DNAH11: variants seen among roughly 807,000 people sequenced by gnomAD.
DNAH11 encodes dynein axonemal heavy chain 11, also known as axonemal beta dynein heavy chain 11.
Under a neutral mutation model 526.0 loss-of-function variants are expected in DNAH11, and 442 were observed. The observed-to-expected ratio is 0.84, with a 90% CI of 0.78 to 0.91. The LOEUF (loss-of-function observed/expected upper bound fraction) is 0.91. Ranked by LOEUF, DNAH11 falls within the 40% of genes least tolerant of loss-of-function variation. The pLI is 0.00. For missense variants in DNAH11, 6,989 were observed against 5,448.7 expected (o/e 1.28, Z -8.90); for synonymous variants, 2,461 against 1,935.9 (o/e 1.27, Z -7.12).
At chr7:21,772,078 G>C (rs1341713739) in intron 55 of DNAH11, among the ~76,000 whole-genome samples, 2 of 152,188 alleles carry the variant, frequency 1.3e-5, no homozygotes, top group African/African-American at 4.8e-5. Flanking sequence ...AACGATTAGA[G>C]TTTTCTGAAA....
intron 18 of DNAH11, among the ~76,000 whole-genome samples, chr7:21,602,305 C>T (rs1218203748): frequency 6.6e-6 from 1 of 152,064 alleles, no homozygotes; most frequent in Non-Finnish European, 1.5e-5. Flanking sequence ...CACCACTGCA[C>T]TCTAGCATGG....
chr7:21,606,617 T>TC, intron 19 of DNAH11, 30 bp from the exon 20 acceptor site: 2 of 826,312 alleles, frequency 2.4e-6, no homozygotes, highest in Non-Finnish European at 3.2e-6. Context: ...GAAATTCACT[T>TC]TTTTTTTTTT....
At chr7:21,845,363 T>C (rs1782379738) in intron 66 of DNAH11, among the ~76,000 whole-genome samples, 2 of 152,200 alleles carry the variant, frequency 1.3e-5, no homozygotes, top group Non-Finnish European at 1.5e-5. Context: ...AGCTCTGTTG[T>C]ATATTTTGAG....
At chr7:21,790,082 C>T (rs1407386826) in intron 61 of DNAH11, among the ~76,000 whole-genome samples, 1 of 151,684 alleles carries the variant, frequency 6.6e-6, no homozygotes, top group African/African-American at 2.4e-5. Context: ...TTAGGTAGAA[C>T]TGTGGGGATT....
chr7:21,698,223 C>G lies in DNAH11; in HGVS notation c.6180+10C>G. Reference sequence around the variant, plus strand: ...GCTTCTCTCCAAGCAGGTGAGGGATCATTTGTTACGTTTTCTTGTTTTTAC... The same window carrying G: ...GCTTCTCTCCAAGCAGGTGAGGGATGATTTGTTACGTTTTCTTGTTTTTAC... On this transcript the variant is annotated intron_variant, in intron 36 of 81. Transcript: ENST00000409508. 1 of 1,612,256 alleles carries G rather than the reference C, an allele frequency of 6.2e-7. No homozygotes were observed. The highest frequency in any genetic ancestry group is 1.1e-5 in the South Asian group (1 of 90,538).
At chr7:21,838,076 C>T (rs921831716) in intron 65 of DNAH11, among the ~76,000 whole-genome samples, 1 of 152,180 alleles carries the variant, frequency 6.6e-6, no homozygotes, top group African/African-American at 2.4e-5. Context: ...AAGATTTTCT[C>T]AAAGCTGCTT....
rs112994826 is a variant in DNAH11 at position 21,689,737 on chromosome 7, T to C, written c.5925-1028T>C. On this transcript the variant is annotated intron_variant, in intron 34 of 81. Transcript: ENST00000409508. ...AATTACCTAGTGTCTAAAGCACCCT[T>C]AGTCCTAAACACTGTGGTTTCTTTC... 6.9e-3 allele frequency among the ~76,000 whole-genome samples: 1,052 copies of C among 152,362 alleles called. 8 individuals carry two copies. The highest frequency in any genetic ancestry group is 0.023 in the African/African-American group (974 of 41,574).
chr7:21,693,028 A>G (rs1783695523), intron 35 of DNAH11, among the ~76,000 whole-genome samples: 1 of 152,030 alleles, frequency 6.6e-6, no homozygotes, highest in African/African-American at 2.4e-5. Context: ...CATTGCAAAT[A>G]TTTTTTCTCT....
At position 21,787,421 on chromosome 7, in the gene DNAH11, A is replaced by G; in HGVS notation, c.9762A>G (p.Ala3254=). 1 of 1,607,612 alleles carries G rather than the reference A, an allele frequency of 6.2e-7. No individual in the cohort carries two copies. The highest frequency in any genetic ancestry group is 8.5e-7 in the Non-Finnish European group (1 of 1,177,344). The change falls in exon 60 of 82, where the codon GCA becomes GCG. Residue 3254 remains alanine (A), a synonymous_variant. Coordinates refer to ENST00000409508, the MANE Select transcript of DNAH11 (RefSeq NM_001277115.2). ...TGCAGGTTGATGATTTTTTGCAAGCATTAATTAACTATGACAAAGAGCACA... is the reference window on the plus strand; with the variant it reads ...TGCAGGTTGATGATTTTTTGCAAGCGTTAATTAACTATGACAAAGAGCACA... The part of the protein sequence containing the change: ...FMGKVDDFLQ[A]LINYDKEHIP...
intron 81 of DNAH11, 47 bp downstream of exon 81, chr7:21,900,167 T>G (rs1196084955): frequency 1.3e-6 from 2 of 1,568,650 alleles, no homozygotes; most frequent in Non-Finnish European, 1.7e-6. Context: ...TTACTCAGGT[T>G]CAGATCAGTG....
intron 64 of DNAH11, among the ~76,000 whole-genome samples, 163 bp downstream of exon 64, chr7:21,816,865 G>C (rs546864270): frequency 2.0e-4 from 31 of 152,276 alleles, no homozygotes; most frequent in African/African-American, 7.5e-4. Context: ...AAGTATCTCT[G>C]TTGAAAAGGC....
chr7:21,569,852 G>T (rs537093928), intron 6 of DNAH11, among the ~76,000 whole-genome samples: 1 of 152,290 alleles, frequency 6.6e-6, no homozygotes, highest in Admixed American at 6.5e-5. Flanking sequence ...TAAAAATCCA[G>T]AAATAGTAGG....
chr7:21,590,690 T>C (rs1437098801), intron 12 of DNAH11, among the ~76,000 whole-genome samples: 3 of 152,210 alleles, frequency 2.0e-5, no homozygotes, highest in African/African-American at 4.8e-5. Flanking sequence ...AAAACCAATT[T>C]ATAGAAACTA....
rs1276954714 is a variant in DNAH11 at position 21,869,094 on chromosome 7, G to A, written c.11967+103G>A. On this transcript the variant is annotated intron_variant, in intron 73 of 81. Coordinates refer to ENST00000409508, the MANE Select transcript of DNAH11 (RefSeq NM_001277115.2). ...ATGCTCCCTTAACACCGCTGTGCAT[G>A]GCGATTTGCAGAGTGCAAGCAGTAC... is the stretch of plus-strand genomic sequence containing the variant. The A allele has an allele frequency of 5.9e-6, 9 of 1,519,398 alleles. No individual in the cohort carries two copies. The Admixed American group carries it at 1.7e-4, about 29-fold the overall frequency. 94.1% of individuals were successfully genotyped at this position (1,519,398 alleles called of 1,614,324 possible).
intron 9 of DNAH11, among the ~76,000 whole-genome samples, chr7:21,585,097 T>G (rs1212443750): frequency 6.6e-6 from 1 of 152,094 alleles, no homozygotes; most frequent in East Asian, 1.9e-4. Flanking sequence ...AGGTAAAAGG[T>G]TTTTTTCTTT....
chr7:21,639,329 A>G (rs182879907), intron 28 of DNAH11, among the ~76,000 whole-genome samples: 257 of 151,990 alleles, frequency 1.7e-3, no homozygotes, highest in Non-Finnish European at 3.1e-3. Flanking sequence ...GGAAAGAAAC[A>G]CTGTCGCCAA....
intron 34 of DNAH11, 74 bp from the exon 35 acceptor site, chr7:21,690,691 G>A: frequency 2.7e-6 from 3 of 1,109,784 alleles, no homozygotes; most frequent in Non-Finnish European, 4.0e-6. Context: ...GCATTTTGCA[G>A]TGGTTTGCAT....
At chr7:21,649,666 T>TC (rs1452231031) in intron 28 of DNAH11, among the ~76,000 whole-genome samples, 1 of 151,482 alleles carries the variant, frequency 6.6e-6, no homozygotes, top group Admixed American at 6.6e-5. Flanking sequence ...CTTTTTTTTT[T>TC]TTTTTTCTGT....
chr7:21,845,123 G>C (rs1040959358), intron 66 of DNAH11, among the ~76,000 whole-genome samples: 1 of 152,014 alleles, frequency 6.6e-6, no homozygotes, highest in Non-Finnish European at 1.5e-5. Context: ...CTGAATGTCA[G>C]ACTCTTATTG....
Sources: gnomAD v4.1 joint callset for allele counts (sites outside exome capture counted in the v4.1 genomes callset) on GRCh38, gnomAD v4.1.1 for gene constraint, MANE v1.5 for transcripts, NCBI Gene and HGNC (gene_info 2026-07-23, HGNC 2026-07-21) for gene names.